STK32A: variants seen among roughly 807,000 people sequenced by gnomAD.
STK32A encodes the protein serine/threonine kinase 32A, also known as serine/threonine-protein kinase 32A.
STK32A carries 41 observed loss-of-function variants against 53.2 expected under a neutral mutation model. The observed-to-expected ratio is 0.77, with a 90% CI of 0.60 to 1.00. STK32A has a LOEUF of 1.00. Ranked by LOEUF, STK32A falls within the 50% of genes least tolerant of loss-of-function variation. The pLI is 0.00. For synonymous variants in STK32A, 166 were observed against 162.8 expected (o/e 1.02, Z -0.15); for missense variants, 458 against 485.8 (o/e 0.94, Z 0.54).
intron 5 of STK32A, among the ~76,000 whole-genome samples, chr5:147,334,993 T>C (rs1755047728): frequency 6.6e-6 from 1 of 152,210 alleles, no homozygotes; most frequent in African/African-American, 2.4e-5. Flanking sequence ...TAAAGTTTGA[T>C]TCATAGAGTA....
At chr5:147,394,675 A>G in the STK32A span, among the ~76,000 whole-genome samples, 27 of 143,104 alleles carry the variant, frequency 1.9e-4, no homozygotes, top group Middle Eastern at 3.5e-3. Context: ...CCAGAGAACA[A>G]CAACAACAAA....
chr5:147,342,934 CT>C, intron 5 of STK32A, 71 bp from the exon 6 acceptor site: 1 of 1,462,316 alleles, frequency 6.8e-7, no homozygotes. Context: ...TTTCTTAAGC[CT>C]TTTTGCCCCT....
intron 4 of STK32A, among the ~76,000 whole-genome samples, chr5:147,289,689 C>G (rs545820719): frequency 2.0e-5 from 3 of 151,980 alleles, no homozygotes; most frequent in Admixed American, 6.6e-5. Context: ...TTTGAAAACT[C>G]TTCTGCTCAT....
chr5:147,299,304 C>T (rs982762280), intron 4 of STK32A, among the ~76,000 whole-genome samples: 2 of 152,034 alleles, frequency 1.3e-5, no homozygotes, highest in South Asian at 2.1e-4. Flanking sequence ...GCATTGAGGA[C>T]GACCAGAGAT....
intron 4 of STK32A, among the ~76,000 whole-genome samples, chr5:147,302,984 G>C (rs1753212659): frequency 6.6e-6 from 1 of 152,104 alleles, no homozygotes; most frequent in South Asian, 2.1e-4. Context: ...TGGCAATAGA[G>C]ATGCAATGGA....
intron 4 of STK32A, among the ~76,000 whole-genome samples, chr5:147,288,441 A>G (rs1421454524): frequency 6.6e-6 from 1 of 152,194 alleles, no homozygotes; most frequent in Admixed American, 6.5e-5. Flanking sequence ...CAGTTCTCAC[A>G]TTGCTATAAA....
At chr5:147,368,897 A>C (rs1425143844) in intron 8 of STK32A, among the ~76,000 whole-genome samples, 1 of 152,156 alleles carries the variant, frequency 6.6e-6, no homozygotes, top group Admixed American at 6.6e-5. Context: ...TAGGTTGAGA[A>C]GCAGCAATGA....
chr5:147,360,529 T>A (rs1277075843), intron 7 of STK32A, among the ~76,000 whole-genome samples: 4 of 151,624 alleles, frequency 2.6e-5, no homozygotes, highest in Non-Finnish European at 5.9e-5. Flanking sequence ...AAGATTGCCT[T>A]ATTGTTCTGC....
rs1368152493 is a variant in STK32A, at chr5:147,384,457, C to A, written c.*474C>A. On this transcript the variant is annotated 3_prime_UTR_variant, in exon 13 of 13. Coordinates refer to ENST00000397936, the MANE Select transcript of STK32A (RefSeq NM_001112724.2). ...CATAAAGTGGTCAGAATGCCCCAGG[C>A]TACTTGGATAAAGATAAGGAATTCT... 4 of 1,526,530 alleles carry A rather than the reference C, an allele frequency of 2.6e-6. No homozygotes were observed. Among genetic ancestry groups the A allele is most frequent in the Non-Finnish European group, 1.8e-6 (2 of 1,139,628 alleles). 94.6% of individuals were successfully genotyped at this position (1,526,530 alleles called of 1,614,324 possible).
intron 2 of STK32A, among the ~76,000 whole-genome samples, chr5:147,265,716 T>G (rs1212543068): frequency 6.6e-6 from 1 of 152,068 alleles, no homozygotes; most frequent in Non-Finnish European, 1.5e-5. Context: ...AATGAATGTT[T>G]GTTGGTTTGA....
At chr5:147,351,748 G>A (rs1419608230) in intron 7 of STK32A, among the ~76,000 whole-genome samples, 5 of 152,152 alleles carry the variant, frequency 3.3e-5, no homozygotes, top group Non-Finnish European at 5.9e-5. Flanking sequence ...TCGGGGGGCT[G>A]AGGCAGGAGA....
chr5:147,254,803 T>C (rs982682683), intron 2 of STK32A, among the ~76,000 whole-genome samples: 6 of 151,992 alleles, frequency 3.9e-5, no homozygotes, highest in Non-Finnish European at 7.4e-5. Flanking sequence ...TGAGTCAGGG[T>C]GGAGCAATCA....
chr5:147,307,388 A>C (rs2151969020), intron 4 of STK32A, among the ~76,000 whole-genome samples: 1 of 152,216 alleles, frequency 6.6e-6, no homozygotes, highest in South Asian at 2.1e-4. Flanking sequence ...TGGAAGGCCG[A>C]GGCAGGCAGA....
At chr5:147,379,404 G>A (rs1432840) in intron 11 of STK32A, among the ~76,000 whole-genome samples, 3 of 151,694 alleles carry the variant, frequency 2.0e-5, no homozygotes, top group Non-Finnish European at 2.9e-5. Context: ...TGCATTTTTC[G>A]GGTGTCTCAG....
chr5:147,373,337 G>A (rs983904943), intron 10 of STK32A, 43 bp downstream of exon 10: 20 of 1,606,578 alleles, frequency 1.2e-5, no homozygotes, highest in Middle Eastern at 1.6e-4. Flanking sequence ...CATTCAGTGC[G>A]CATTACCCGG....
intron 1 of STK32A, among the ~76,000 whole-genome samples, 189 bp from the exon 2 acceptor site, chr5:147,239,350 G>A (rs1446752125): frequency 1.3e-5 from 2 of 152,122 alleles, no homozygotes; most frequent in Non-Finnish European, 2.9e-5. Flanking sequence ...GTCTAGGTCT[G>A]CTATTGATGA....
intron 2 of STK32A, among the ~76,000 whole-genome samples, chr5:147,242,039 T>G: frequency 6.6e-6 from 1 of 152,178 alleles, no homozygotes; most frequent in Non-Finnish European, 1.5e-5. Context: ...AGATACCCCT[T>G]TTTAGTTACT....
rs1757086783 is a variant in STK32A at position 147,373,305 on chromosome 5, C to T, written c.903+11C>T. On this transcript the variant is annotated intron_variant, in intron 10 of 12. Transcript: ENST00000397936. ...GGTTTCATTCCTAATGTGAGTCAAT[C>T]CTAACAAAGCCAAATAACTCCCATT... is the stretch of plus-strand genomic sequence containing the variant. 6.2e-7 allele frequency: 1 copy of T among 1,612,790 alleles called. No individual in the cohort carries two copies.
At chr5:147,305,278 G>C (rs1753347262) in intron 4 of STK32A, among the ~76,000 whole-genome samples, 1 of 152,088 alleles carries the variant, frequency 6.6e-6, no homozygotes, top group African/African-American at 2.4e-5. Flanking sequence ...AGGGAGTCTT[G>C]CCAACAACCT....
Sources: allele counts gnomAD v4.1 joint callset (sites outside exome capture counted in the v4.1 genomes callset), GRCh38; gene constraint gnomAD v4.1.1; transcripts MANE v1.5; gene names NCBI Gene and HGNC (gene_info 2026-07-23, HGNC 2026-07-21).